The following UBAP2L variants were observed in gnomAD, a reference collection of about 807,000 sequenced individuals.
The protein encoded by UBAP2L is ubiquitin associated protein 2 like.
Under a neutral mutation model 130.6 loss-of-function variants are expected in UBAP2L, and 12 were observed. The observed-to-expected ratio is 0.09, with a 90% CI of 0.06 to 0.15. The LOEUF is 0.15. UBAP2L is among the 10% of genes least tolerant of loss of function. UBAP2L has a pLI of 1.00. For synonymous variants in UBAP2L, 503 were observed against 524.7 expected, an observed-to-expected ratio of 0.96 and a Z score of 0.57; for missense variants, 965 against 1,332.5, an observed-to-expected ratio of 0.72 and a Z score of 4.29.
chr1:154,222,914 G>T (rs950315896), intron 1 of UBAP2L, among the ~76,000 whole-genome samples: 1 of 152,026 alleles, frequency 6.6e-6, no homozygotes, highest in East Asian at 1.9e-4. Flanking sequence ...GTTTACTCTC[G>T]CACGATTTCC....
intron 22 of UBAP2L, among the ~76,000 whole-genome samples, chr1:154,260,467 C>T (rs1681188271): frequency 6.6e-6 from 1 of 152,242 alleles, no homozygotes; most frequent in African/African-American, 2.4e-5. Context: ...GTGGCAATCT[C>T]ACTGCCTTGC....
chr1:154,253,384 T>TA (rs1225274551), intron 14 of UBAP2L, among the ~76,000 whole-genome samples: 1 of 112,168 alleles, frequency 8.9e-6, no homozygotes, highest in Non-Finnish European at 1.6e-5. Context: ...GTTTTTAAGA[T>TA]TTTTTTTTTT....
intron 9 of UBAP2L, 111 bp from the exon 10 acceptor site, chr1:154,243,106 T>C: frequency 1.2e-6 from 1 of 823,758 alleles, no homozygotes; most frequent in Non-Finnish European, 2.0e-6. Context: ...TAGATAGTTT[T>C]CTCTTTATAG....
chr1:154,262,053 A>T (rs1411239643), intron 24 of UBAP2L, among the ~76,000 whole-genome samples: 1 of 152,226 alleles, frequency 6.6e-6, no homozygotes, highest in Non-Finnish European at 1.5e-5. Context: ...ATAGTACAAA[A>T]GGGGGGTGTA....
intron 1 of UBAP2L, among the ~76,000 whole-genome samples, chr1:154,223,279 A>G (rs1483145715): frequency 3.3e-5 from 5 of 152,204 alleles, no homozygotes; most frequent in African/African-American, 1.2e-4. Flanking sequence ...GCAATAGTGT[A>G]TAGCTAGTCA....
chr1:154,268,879 C>T lies in UBAP2L; in HGVS notation c.3093C>T (p.Pro1031=). ...CAGCTGCTGCCTACCCACCTGCCCC[C>T]TTTATGCACATTCTGACCCCCCATC... ...PATAAAYPPA[P]FMHILTPHQQ... Residue 1031 remains proline (P), a synonymous_variant, in exon 26 of 27, where the codon CCC becomes CCT. Coordinates refer to ENST00000428931, the MANE Select transcript of UBAP2L (RefSeq NM_014847.4). The T allele has an allele frequency of 6.2e-7, 1 of 1,613,676 alleles. No homozygotes were observed. The highest frequency in any genetic ancestry group is 8.5e-7 in the Non-Finnish European group (1 of 1,179,838).
upstream of UBAP2L, chr1:154,220,692 G>T (rs555080441): frequency 1.7e-4 from 83 of 474,542 alleles, 1 homozygote; most frequent in South Asian, 1.8e-3. Flanking sequence ...AAGAGGAAGC[G>T]GCGGCCATCC....
intron 24 of UBAP2L, chr1:154,263,318 C>T (rs1284649233): frequency 7.0e-7 from 1 of 1,428,266 alleles, no homozygotes; most frequent in African/African-American, 1.5e-5. Flanking sequence ...GAACTTGCCC[C>T]TCCCCCATTT....
intron 25 of UBAP2L, 121 bp downstream of exon 25, chr1:154,266,689 A>G (rs1482084434): frequency 1.4e-5 from 14 of 1,025,342 alleles, no homozygotes; most frequent in Non-Finnish European, 1.7e-5. Flanking sequence ...AACCCATCCT[A>G]CTTTTTCTAA....
At position 154,261,648 on chromosome 1, in the gene UBAP2L, C is replaced by T. The variant is rs958567691; in HGVS notation, c.2853C>T (p.Ala951=). 6.2e-7 allele frequency: 1 copy of T among 1,614,094 alleles called. No individual in the cohort carries two copies. The highest frequency in any genetic ancestry group is 8.5e-7 in the Non-Finnish European group (1 of 1,180,018). ...HGVNVSVNAS[A]TPFQQPSGYG... is the part of the protein sequence containing the mutation. Reference sequence around the variant, plus strand: ...TGAATGTCAGTGTGAATGCATCGGCCACCCCTTTCCAACAGCCGAGTGGAT... The same window carrying T: ...TGAATGTCAGTGTGAATGCATCGGCTACCCCTTTCCAACAGCCGAGTGGAT... Residue 951 remains alanine, a synonymous_variant, in exon 24 of 27, where the codon GCC becomes GCT. Coordinates refer to ENST00000428931, the MANE Select transcript of UBAP2L (RefSeq NM_014847.4).
intron 3 of UBAP2L, 77 bp downstream of exon 3, chr1:154,227,436 A>C: frequency 1.6e-6 from 2 of 1,288,052 alleles, no homozygotes; most frequent in Non-Finnish European, 2.2e-6. Context: ...CTGTAGATGG[A>C]TGCCAGGATA....
chr1:154,246,330 C>T lies in UBAP2L; in HGVS notation c.969C>T (p.Ala323=). 1 of 1,613,504 alleles carries T rather than the reference C, an allele frequency of 6.2e-7. No homozygotes were observed. ...PLVFSNSKQT[A]ISQPASGNTF... is the part of the protein sequence containing the mutation. Reference sequence around the variant, plus strand: ...TGTTCAGTAATTCGAAGCAGACTGCCATATCACAGCCTGCTTCAGGGAACA... The same window carrying T: ...TGTTCAGTAATTCGAAGCAGACTGCTATATCACAGCCTGCTTCAGGGAACA... The change falls in exon 11 of 27, where the codon GCC becomes GCT. Residue 323 remains alanine, a synonymous_variant. Coordinates refer to ENST00000428931, the MANE Select transcript of UBAP2L (RefSeq NM_014847.4).
chr1:154,263,595 A>AC, intron 24 of UBAP2L: 1 of 819,288 alleles, frequency 1.2e-6, no homozygotes, highest in South Asian at 5.7e-5. Flanking sequence ...TTTTAATCAA[A>AC]CCCCAGCATA....
intron 9 of UBAP2L, 22 bp downstream of exon 9, chr1:154,241,587 C>G (rs942219743): frequency 3.7e-6 from 6 of 1,613,534 alleles, no homozygotes; most frequent in Admixed American, 1.7e-5. Context: ...CAGGTCATTC[C>G]TCACTAATGC....
rs183085718 is a variant in UBAP2L at position 154,255,779 on chromosome 1, G to A, written c.2157+24G>A. On this transcript the variant is annotated intron_variant, in intron 18 of 26. Coordinates refer to ENST00000428931, the MANE Select transcript of UBAP2L (RefSeq NM_014847.4). ...TGGTAAGTGTGATGCTGAGAGGGATGTGTGGTTTTCTTACACTTAGAACTG... is the reference window on the plus strand; with the variant it reads ...TGGTAAGTGTGATGCTGAGAGGGATATGTGGTTTTCTTACACTTAGAACTG... 4.5e-5 allele frequency: 73 copies of A among 1,612,752 alleles called. 1 individual carries two copies. The East Asian group carries it at 1.4e-3, about 32-fold the overall frequency.
In UBAP2L at chr1:154,269,298, A is replaced by G. The variant is rs867349129; in HGVS notation, c.3168+344A>G. On this transcript the variant is annotated intron_variant, in intron 26 of 26. Transcript: ENST00000428931. ...CCCTGACATTTTAGCTTTCCCTTCT[A>G]ATGGTGGAGTTCTATTGTCAAAGTT... 37 of 1,335,448 alleles carry G rather than the reference A, an allele frequency of 2.8e-5. 1 individual carries two copies. The Middle Eastern group carries it at 5.6e-3, about 203-fold the overall frequency. The allele number at this position is 1,335,448 out of a possible 1,614,324, so 82.7% of individuals were successfully genotyped here.
At chr1:154,246,863 T>A (rs548702617) in intron 11 of UBAP2L, among the ~76,000 whole-genome samples, 7,782 of 152,188 alleles carry the variant, frequency 0.051, 681 homozygotes, top group African/African-American at 0.18. Context: ...CATTTCTATG[T>A]AAATAGGGAT....
chr1:154,259,175 G>A (rs1402689124), intron 21 of UBAP2L, 145 bp downstream of exon 21: 1 of 726,932 alleles, frequency 1.4e-6, no homozygotes, highest in African/African-American at 1.8e-5. Context: ...AGGGATTTGG[G>A]GGAGGGTTTC....
chr1:154,242,252 T>G (rs1673828576), intron 9 of UBAP2L, among the ~76,000 whole-genome samples: 2 of 152,198 alleles, frequency 1.3e-5, no homozygotes, highest in Admixed American at 6.5e-5. Context: ...ATGGATAAAC[T>G]CTTGTTTTAA....
Sources: gnomAD v4.1 joint callset for allele counts (sites outside exome capture counted in the v4.1 genomes callset) on GRCh38, gnomAD v4.1.1 for gene constraint, MANE v1.5 for transcripts, NCBI Gene and HGNC (gene_info 2026-07-23, HGNC 2026-07-21) for gene names.